Variants in CD109 observed in about 807,000 individuals in gnomAD.
CD109 encodes CD109 molecule.
Under a neutral mutation model 165.8 loss-of-function variants are expected in CD109, and 149 were observed. The ratio of observed to expected loss-of-function variants is 0.90; its 90% CI spans 0.79 to 1.03. The LOEUF is 1.03. Ranked by LOEUF, CD109 falls within the 50% of genes least tolerant of loss-of-function variation. The pLI is 0.00. For synonymous variants in CD109, 585 were observed against 592.1 expected (o/e 0.99, Z 0.18); for missense variants, 1,712 against 1,677.8 (o/e 1.02, Z -0.36).
intron 3 of CD109, among the ~76,000 whole-genome samples, chr6:73,726,283 A>G (rs537076037): frequency 7.6e-4 from 116 of 152,352 alleles, no homozygotes; most frequent in Non-Finnish European, 4.1e-4. Context: ...AAGACACTAA[A>G]ATAACCCCCA....
chr6:73,745,351 C>T (rs571093557), intron 5 of CD109, among the ~76,000 whole-genome samples: 8 of 152,196 alleles, frequency 5.3e-5, no homozygotes, highest in East Asian at 3.9e-4. Context: ...GTGATCCGCC[C>T]GCCCTGGCCT....
chr6:73,734,431 A>G (rs1007851204), intron 4 of CD109, among the ~76,000 whole-genome samples: 1 of 152,218 alleles, frequency 6.6e-6, no homozygotes, highest in African/African-American at 2.4e-5. Context: ...AAGAAACACA[A>G]TATTGTTTTC....
chr6:73,696,548 G>T (rs1770850531), intron 1 of CD109, among the ~76,000 whole-genome samples: 2 of 152,252 alleles, frequency 1.3e-5, no homozygotes, highest in South Asian at 4.1e-4. Flanking sequence ...TTTCTGAAGA[G>T]AGTCATTTTA....
At chr6:73,796,761 G>T (rs933408786) in intron 23 of CD109, among the ~76,000 whole-genome samples, 6 of 152,164 alleles carry the variant, frequency 3.9e-5, no homozygotes, top group African/African-American at 1.4e-4. Flanking sequence ...TGATCTCTGG[G>T]CACTAATGGG....
intron 14 of CD109, among the ~76,000 whole-genome samples, chr6:73,770,462 G>C (rs1240339716): frequency 6.6e-6 from 1 of 152,134 alleles, no homozygotes; most frequent in African/African-American, 2.4e-5. Flanking sequence ...TTCCCAGCAG[G>C]GGCCAGGCAC....
chr6:73,733,709 T>C (rs1772447820), intron 4 of CD109, among the ~76,000 whole-genome samples: 1 of 152,300 alleles, frequency 6.6e-6, no homozygotes, highest in South Asian at 2.1e-4. Flanking sequence ...TATTGTGCCC[T>C]GACACTCAGT....
intron 2 of CD109, among the ~76,000 whole-genome samples, chr6:73,718,487 T>A (rs912158332): frequency 4.6e-5 from 7 of 152,240 alleles, no homozygotes; most frequent in African/African-American, 9.6e-5. Flanking sequence ...CAAATTTTTT[T>A]AAATTATCAA....
chr6:73,763,426 T>C (rs932725896), intron 9 of CD109, 150 bp from the exon 10 acceptor site: 10 of 516,948 alleles, frequency 1.9e-5, no homozygotes, highest in Non-Finnish European at 3.1e-5. Flanking sequence ...TGTGTGGTGC[T>C]TGTAGTGTCA....
intron 23 of CD109, 40 bp downstream of exon 23, chr6:73,792,842 A>G (rs752846296): frequency 1.0e-5 from 16 of 1,552,000 alleles, no homozygotes; most frequent in Non-Finnish European, 1.3e-5. Flanking sequence ...GTAGAAAAAA[A>G]TTTGTTTTTT....
intron 28 of CD109, among the ~76,000 whole-genome samples, chr6:73,811,880 G>A (rs1775769775): frequency 6.6e-6 from 1 of 152,140 alleles, no homozygotes; most frequent in South Asian, 2.1e-4. Context: ...ATTAGGCCCT[G>A]ATTAAGGGAG....
At chr6:73,762,347 G>A (rs367957225) in intron 7 of CD109, 37 bp from the exon 8 acceptor site, 2 of 1,234,402 alleles carry the variant, frequency 1.6e-6, no homozygotes, top group Non-Finnish European at 2.4e-6. Context: ...ACAATATCAA[G>A]TTGATACATA....
chr6:73,781,717 C>A (rs1774506623), intron 17 of CD109, among the ~76,000 whole-genome samples: 1 of 150,772 alleles, frequency 6.6e-6, no homozygotes, highest in South Asian at 2.1e-4. Context: ...AGAAAATAGC[C>A]CAGATGCCAT....
intron 15 of CD109, among the ~76,000 whole-genome samples, chr6:73,772,959 T>A (rs1774099123): frequency 6.6e-6 from 1 of 151,718 alleles, no homozygotes; most frequent in Non-Finnish European, 1.5e-5. Flanking sequence ...TGACTTTTCC[T>A]GAGTTCACAT....
rs116344464 is a variant in CD109, at chr6:73,769,181, C to T, written c.1674+950C>T. On this transcript the variant is annotated intron_variant, in intron 14 of 32. Coordinates refer to ENST00000287097, the MANE Select transcript of CD109 (RefSeq NM_133493.5). ...CCGGGATTACAGACATGAGCCACTG[C>T]GCCAGGCCTGTACTTTAGTTTTGTT... 4.9e-3 allele frequency among the ~76,000 whole-genome samples: 752 copies of T among 152,208 alleles called. 8 individuals are homozygous for T. The highest frequency in any genetic ancestry group is 0.017 in the African/African-American group (704 of 41,542).
At chr6:73,810,734 T>G (rs1465874488) in intron 27 of CD109, among the ~76,000 whole-genome samples, 1 of 152,076 alleles carries the variant, frequency 6.6e-6, no homozygotes, top group African/African-American at 2.4e-5. Context: ...CAAATCAAAA[T>G]AGCATAACAT....
At chr6:73,792,341 AT>A in intron 22 of CD109, among the ~76,000 whole-genome samples, 1 of 152,152 alleles carries the variant, frequency 6.6e-6, no homozygotes, top group Non-Finnish European at 1.5e-5. Flanking sequence ...TTTTTTAAAG[AT>A]TTTTAAAAAA....
chr6:73,716,365 A>G (rs1055881535), intron 2 of CD109, among the ~76,000 whole-genome samples: 5 of 152,182 alleles, frequency 3.3e-5, no homozygotes, highest in African/African-American at 9.7e-5. Context: ...ACTGTTCTCC[A>G]TAGTGGTTGT....
chr6:73,764,288 T>G (rs1266546393), intron 10 of CD109, among the ~76,000 whole-genome samples: 4 of 152,214 alleles, frequency 2.6e-5, no homozygotes, highest in Non-Finnish European at 5.9e-5. Context: ...CTGTAGGGAT[T>G]TAAAGCAGGG....
In CD109 at chr6:73,763,612, A is replaced by G. The variant is rs1322644115; in HGVS notation, c.1034A>G (p.Lys345Arg). 1.9e-6 allele frequency: 3 copies of G among 1,594,490 alleles called. No individual in the cohort carries two copies. Among genetic ancestry groups the G allele is most frequent in the African/African-American group, 1.3e-5 (1 of 74,550 alleles). The change falls in exon 10 of 33, where the codon AAG (lysine) becomes AGG (arginine). Residue 345 changes from lysine (K) to arginine (R), a missense_variant. Physicochemically the swap from Lys to Arg is conservative, Grantham distance 26 (BLOSUM62 2). Transcript: ENST00000287097. Reference protein sequence around the residue: ...SRNVSTNVFFKQHDYIIEFFD... With the variant: ...SRNVSTNVFFRQHDYIIEFFD... ...AATGTAAGCACTAATGTGTTCTTCA[A>G]GCAACATGATTACATCATTGAGTTT...
Sources: allele counts gnomAD v4.1 joint callset (sites outside exome capture counted in the v4.1 genomes callset), GRCh38; gene constraint gnomAD v4.1.1; transcripts MANE v1.5; gene names NCBI Gene and HGNC (gene_info 2026-07-23, HGNC 2026-07-21).